The following MYO10 variants were observed in gnomAD, a reference collection of about 807,000 sequenced individuals.
The protein encoded by MYO10 is unconventional myosin-X.
A neutral mutation model predicts 257.3 loss-of-function variants in MYO10; 133 were observed. That is an observed-to-expected ratio of 0.52 (90% CI 0.45 to 0.60). The LOEUF (loss-of-function observed/expected upper bound fraction) is 0.60. MYO10 is among the 20% of genes least tolerant of loss of function. The pLI is 0.00. For synonymous variants in MYO10, 1,104 were observed against 1,028.6 expected (o/e 1.07, Z -1.40); for missense variants, 2,399 against 2,635.7 (o/e 0.91, Z 1.97).
chr5:16,920,902 G>C (rs548054448), intron 1 of MYO10, among the ~76,000 whole-genome samples: 9 of 152,224 alleles, frequency 5.9e-5, no homozygotes, highest in African/African-American at 1.9e-4. Context: ...CGAATCACTT[G>C]AAGTCAGGAG....
chr5:16,822,510 T>C (rs1176889295), intron 2 of MYO10, among the ~76,000 whole-genome samples: 1 of 152,070 alleles, frequency 6.6e-6, no homozygotes, highest in Non-Finnish European at 1.5e-5. Context: ...AAGGAGTACC[T>C]GGGGGTTATA....
chr5:16,723,228 C>CA (rs58781411), intron 19 of MYO10, among the ~76,000 whole-genome samples: 5,924 of 147,866 alleles, frequency 0.04, 405 homozygotes, highest in African/African-American at 0.14. Flanking sequence ...ACTAAAAATA[C>CA]AAAAAAAAAA....
intron 1 of MYO10, among the ~76,000 whole-genome samples, chr5:16,909,233 G>A (rs1330166037): frequency 2.0e-5 from 3 of 152,148 alleles, no homozygotes; most frequent in African/African-American, 4.8e-5. Flanking sequence ...AATTGGCCAG[G>A]TGCGGTGGCT....
intron 19 of MYO10, among the ~76,000 whole-genome samples, chr5:16,752,284 T>C (rs1251140914): frequency 6.6e-6 from 1 of 152,176 alleles, no homozygotes; most frequent in African/African-American, 2.4e-5. Flanking sequence ...ACTTTATTTT[T>C]TTAATTTGTA....
intron 2 of MYO10, among the ~76,000 whole-genome samples, chr5:16,871,681 T>G (rs1435388436): frequency 6.6e-6 from 1 of 152,202 alleles, no homozygotes; most frequent in East Asian, 1.9e-4. Flanking sequence ...GTTAAAGAAC[T>G]TCTCCTAATG....
intron 19 of MYO10, among the ~76,000 whole-genome samples, chr5:16,752,375 C>T (rs566822056): frequency 2.6e-5 from 4 of 152,272 alleles, no homozygotes; most frequent in South Asian, 2.1e-4. Flanking sequence ...CTCCGCCTCC[C>T]GGGTTCAAGC....
chr5:16,890,784 G>A (rs1745026855), intron 1 of MYO10, among the ~76,000 whole-genome samples: 1 of 151,616 alleles, frequency 6.6e-6, no homozygotes, highest in Non-Finnish European at 1.5e-5. Flanking sequence ...AGGTTGCAGG[G>A]AGCCAAGATC....
At chr5:16,922,401 A>G (rs571255225) in intron 1 of MYO10, among the ~76,000 whole-genome samples, 31 of 152,346 alleles carry the variant, frequency 2.0e-4, no homozygotes, top group Non-Finnish European at 3.5e-4. Context: ...GCAAAGTTTC[A>G]GAGAGATAAA....
chr5:16,739,142 T>C (rs1339675230), intron 19 of MYO10, among the ~76,000 whole-genome samples: 1 of 140,312 alleles, frequency 7.1e-6, no homozygotes, highest in Non-Finnish European at 1.5e-5. Flanking sequence ...GCTATGATTG[T>C]GCTTGTAAAT....
intron 3 of MYO10, among the ~76,000 whole-genome samples, chr5:16,816,881 G>A (rs1407250083): frequency 2.7e-5 from 4 of 149,960 alleles, no homozygotes; most frequent in Admixed American, 2.0e-4. Context: ...GTGCAGTGGC[G>A]CGATCTTGGC....
intron 18 of MYO10, among the ~76,000 whole-genome samples, chr5:16,756,993 C>G (rs1165568857): frequency 6.6e-6 from 1 of 151,676 alleles, no homozygotes; most frequent in African/African-American, 2.4e-5. Context: ...ATGGCGCATG[C>G]CTCTAGTCCC....
At chr5:16,669,010 G>T (rs1470099656) in intron 39 of MYO10, among the ~76,000 whole-genome samples, 3 of 152,092 alleles carry the variant, frequency 2.0e-5, no homozygotes, top group African/African-American at 7.2e-5. Flanking sequence ...GTGGGAACAG[G>T]GACTTTACCA....
chr5:16,683,469 A>G (rs945623413), intron 30 of MYO10, among the ~76,000 whole-genome samples: 1 of 152,232 alleles, frequency 6.6e-6, no homozygotes, highest in Non-Finnish European at 1.5e-5. Flanking sequence ...AATACTCTAC[A>G]TATACATTAT....
intron 2 of MYO10, among the ~76,000 whole-genome samples, chr5:16,861,578 A>G (rs1408687009): frequency 6.6e-6 from 1 of 152,160 alleles, no homozygotes; most frequent in African/African-American, 2.4e-5. Context: ...ATCTCAAAAA[A>G]AGAAAAAAAG....
At chr5:16,902,383 G>A (rs758198412) in intron 1 of MYO10, 28 of 1,262,208 alleles carry the variant, frequency 2.2e-5, no homozygotes, top group Non-Finnish European at 2.9e-5. Context: ...TCACGAGATC[G>A]ATTCCTGACT....
chr5:16,779,756 A>G, intron 8 of MYO10, 108 bp from the exon 9 acceptor site: 2 of 638,684 alleles, frequency 3.1e-6, no homozygotes, highest in Non-Finnish European at 5.4e-6. Context: ...TGCTCTTAAC[A>G]GTCTCCCATA....
intron 26 of MYO10, among the ~76,000 whole-genome samples, chr5:16,697,090 T>C (rs1016369347): frequency 1.3e-5 from 2 of 152,168 alleles, no homozygotes; most frequent in African/African-American, 4.8e-5. Flanking sequence ...GCTGGCTACC[T>C]CACCCTTGAT....
chr5:16,713,817 C>T (rs1033057876), intron 19 of MYO10, among the ~76,000 whole-genome samples: 25 of 152,180 alleles, frequency 1.6e-4, no homozygotes, highest in Non-Finnish European at 1.0e-4. Flanking sequence ...AACTTAAAGG[C>T]ATTTCGCCTT....
chr5:16,766,236 C>T (rs1740863125), intron 10 of MYO10, 38 bp from the exon 11 acceptor site: 1 of 1,501,860 alleles, frequency 6.7e-7, no homozygotes, highest in South Asian at 1.2e-5. Context: ...AACCCACCGC[C>T]CCCAAGAAGC....
Sources: gnomAD v4.1 joint callset for allele counts (sites outside exome capture counted in the v4.1 genomes callset) on GRCh38, gnomAD v4.1.1 for gene constraint, MANE v1.5 for transcripts, NCBI Gene and HGNC (gene_info 2026-07-23, HGNC 2026-07-21) for gene names.